Variants in MYO1F observed in about 807,000 individuals in gnomAD.
MYO1F encodes the protein unconventional myosin-If.
A neutral mutation model predicts 146.6 loss-of-function variants in MYO1F; 60 were observed. The observed-to-expected ratio is 0.41, with a 90% CI of 0.33 to 0.51. The LOEUF is 0.51. MYO1F is among the 20% of genes least tolerant of loss of function. MYO1F has a pLI of 0.25. For synonymous variants in MYO1F, 602 were observed against 602.1 expected (o/e 1.00, Z 0.00); for missense variants, 1,274 against 1,534.3 (o/e 0.83, Z 2.83).
intron 24 of MYO1F, among the ~76,000 whole-genome samples, chr19:8,526,239 A>G (rs1379377913): frequency 6.6e-6 from 1 of 152,176 alleles, no homozygotes; most frequent in Admixed American, 6.5e-5. Flanking sequence ...AGGCAAGACA[A>G]TCGCTTGAAC....
At chr19:8,541,403 T>TTGTG (rs200079933) in intron 15 of MYO1F, among the ~76,000 whole-genome samples, 22 of 130,550 alleles carry the variant, frequency 1.7e-4, no homozygotes, top group South Asian at 4.9e-4. Flanking sequence ...GCTATGTTCT[T>TTGTG]TGTGTGTGTG....
At chr19:8,569,024 G>A (rs766914305) in intron 1 of MYO1F, among the ~76,000 whole-genome samples, 5 of 152,118 alleles carry the variant, frequency 3.3e-5, no homozygotes, top group African/African-American at 4.8e-5. Context: ...AGATGCCTCA[G>A]GAAATGTCAT....
intron 15 of MYO1F, among the ~76,000 whole-genome samples, chr19:8,540,775 G>C (rs951320228): frequency 2.0e-5 from 3 of 151,736 alleles, no homozygotes; most frequent in African/African-American, 4.8e-5. Context: ...TTTGCTAAAC[G>C]TCATGGATTG....
rs777681830 is a variant in MYO1F, at chr19:8,548,341, A to G, written c.1102-24T>C. The G allele has an allele frequency of 2.7e-5, 43 of 1,598,590 alleles. No individual in the cohort carries two copies. In the East Asian group the frequency reaches 4.5e-4, roughly 17 times the overall value. On this transcript the variant is annotated intron_variant, in intron 10 of 27. Coordinates refer to ENST00000644032, the MANE Select transcript of MYO1F (RefSeq NM_012335.4). Reference sequence around the variant, plus strand: ...GCCTGCGGTGTGGGTGGGGACAGGAAGTCAGTGGGCATCGGTCAGATCTGA... The same window carrying G: ...GCCTGCGGTGTGGGTGGGGACAGGAGGTCAGTGGGCATCGGTCAGATCTGA...
In MYO1F at chr19:8,552,181, C is replaced by A. The variant is rs1225568805; in HGVS notation, c.505-17G>T. On this transcript the variant is annotated splice_polypyrimidine_tract_variant and intron_variant, in intron 6 of 27. Transcript: ENST00000644032. ...GTACTTGCCCTGAATCCGAGAGAACCATGTCAGCACCCCAGTGTCCTGGGG... is the reference window on the plus strand; with the variant it reads ...GTACTTGCCCTGAATCCGAGAGAACAATGTCAGCACCCCAGTGTCCTGGGG... 6 of 1,614,030 alleles carry A rather than the reference C, an allele frequency of 3.7e-6. No homozygotes were observed. In the South Asian group the frequency reaches 6.6e-5, roughly 18 times the overall value.
intron 16 of MYO1F, among the ~76,000 whole-genome samples, chr19:8,539,702 T>G (rs1197401038): frequency 6.6e-6 from 1 of 152,026 alleles, no homozygotes; most frequent in Non-Finnish European, 1.5e-5. Flanking sequence ...CAAAAATGTA[T>G]TAGAATAATG....
chr19:8,564,829 G>A (rs147796937), intron 1 of MYO1F, among the ~76,000 whole-genome samples: 4,763 of 151,880 alleles, frequency 0.031, 253 homozygotes, highest in African/African-American at 0.11. Context: ...CTGGAGTGCA[G>A]TGGTATGATT....
intron 24 of MYO1F, among the ~76,000 whole-genome samples, chr19:8,526,149 A>G (rs1449764330): frequency 6.6e-6 from 1 of 152,118 alleles, no homozygotes; most frequent in Non-Finnish European, 1.5e-5. Flanking sequence ...CAAGATGGTG[A>G]AACCCCGTCT....
rs1172873322 is a variant in MYO1F at position 8,532,901 on chromosome 19, A to AAAATATAT, written c.2044-2329_2044-2328insATATATTT. On this transcript the variant is annotated intron_variant, in intron 19 of 27. Transcript: ENST00000644032. ...AGATCCTGTCTCAGAAAAAAAAAAA[A>AAAATATAT]ATACACACACACACACACACACACA... 5.2e-3 allele frequency among the ~76,000 whole-genome samples: 249 copies of AAAATATAT among 47,834 alleles called. 3 individuals are homozygous for AAAATATAT. Among genetic ancestry groups the AAAATATAT allele is most frequent in the African/African-American group, 0.024 (224 of 9,250 alleles). The allele number at this position is 47,834 out of a possible 152,430, so 31.4% of individuals were successfully genotyped here.
chr19:8,536,154 T>C (rs1972698303), intron 19 of MYO1F, 98 bp downstream of exon 19: 1 of 1,423,660 alleles, frequency 7.0e-7, no homozygotes, highest in Admixed American at 1.8e-5. Flanking sequence ...TCTCTCAATC[T>C]CTGTCTCCCT....
intron 6 of MYO1F, 59 bp downstream of exon 6, chr19:8,553,074 GGTGTGT>G: frequency 7.1e-7 from 1 of 1,409,664 alleles, no homozygotes; most frequent in Non-Finnish European, 1.0e-6. Context: ...TGTATGTGTG[GGTGTGT>G]GTGTAGAAAG....
intron 14 of MYO1F, among the ~76,000 whole-genome samples, chr19:8,542,238 G>A (rs1973009234): frequency 6.6e-6 from 1 of 151,174 alleles, no homozygotes; most frequent in East Asian, 1.9e-4. Flanking sequence ...CCAGGTCAGA[G>A]GTAAGGGGAG....
chr19:8,536,644 G>T (rs1251736300), intron 17 of MYO1F, 47 bp from the exon 18 acceptor site: 1 of 843,898 alleles, frequency 1.2e-6, no homozygotes, highest in Non-Finnish European at 1.8e-6. Context: ...GGAGTCACCA[G>T]TCCTGGGGGT....
Position 8,555,797 on chromosome 19 carries a change from CT to C in MYO1F, c.4-2del. ...GCCAGTGGAAGCGCTCCTTGCTGCC[CT>C]GGGGGGTGAGAGGGGGGTCGGGGTG... On this transcript the variant is annotated splice_acceptor_variant, in intron 1 of 27. Transcript: ENST00000644032. LOFTEE classifies it high-confidence loss of function. 6.2e-7 allele frequency: 1 copy of C among 1,611,594 alleles called. No individual in the cohort carries two copies. Among genetic ancestry groups the C allele is most frequent in the Non-Finnish European group, 8.5e-7 (1 of 1,179,034 alleles).
At chr19:8,563,489 G>T (rs1219824649) in intron 1 of MYO1F, among the ~76,000 whole-genome samples, 1 of 139,850 alleles carries the variant, frequency 7.2e-6, no homozygotes, top group African/African-American at 2.8e-5. Flanking sequence ...AGTAGAGACA[G>T]GATTTTTCTT....
intron 16 of MYO1F, among the ~76,000 whole-genome samples, chr19:8,538,020 G>A (rs1972801322): frequency 6.6e-6 from 1 of 152,136 alleles, no homozygotes; most frequent in African/African-American, 2.4e-5. Context: ...TTGCCAGGCT[G>A]GAGTGCAGTG....
chr19:8,570,462 G>A (rs1351683743), intron 1 of MYO1F, among the ~76,000 whole-genome samples: 1 of 151,242 alleles, frequency 6.6e-6, no homozygotes, highest in South Asian at 2.1e-4. Flanking sequence ...TGCCTCCCAG[G>A]TTCAAGCAAT....
At chr19:8,528,832 G>A (rs947750380) in intron 21 of MYO1F, among the ~76,000 whole-genome samples, 18 of 152,122 alleles carry the variant, frequency 1.2e-4, no homozygotes, top group African/African-American at 4.3e-4. Context: ...ATGAGAGGAA[G>A]TGAGCGGGTG....
At chr19:8,536,919 A>C in intron 17 of MYO1F, 30 bp downstream of exon 17, 16 of 1,244,652 alleles carry the variant, frequency 1.3e-5, no homozygotes, top group East Asian at 4.7e-5. Flanking sequence ...CCTGGGGGGA[A>C]TGAATCTTGG....
Sources: gnomAD v4.1 joint callset for allele counts (sites outside exome capture counted in the v4.1 genomes callset) on GRCh38, gnomAD v4.1.1 for gene constraint, MANE v1.5 for transcripts, NCBI Gene and HGNC (gene_info 2026-07-23, HGNC 2026-07-21) for gene names.